CTIF: variants seen among roughly 807,000 people sequenced by gnomAD.
CTIF encodes the protein cap binding complex dependent translation initiation factor, also known as CBP80/20-dependent translation initiation factor.
A neutral mutation model predicts 66.0 loss-of-function variants in CTIF; 21 were observed. The observed-to-expected ratio is 0.32, with a 90% CI of 0.23 to 0.46. CTIF has a LOEUF of 0.46. Among genes scored for constraint, CTIF ranks in the 20% least tolerant of loss-of-function variants. The pLI is 1.00. For missense variants in CTIF, 739 were observed against 812.7 expected, an observed-to-expected ratio of 0.91 and a Z score of 1.10; for synonymous variants, 345 against 326.4, an observed-to-expected ratio of 1.06 and a Z score of -0.62.
At chr18:48,779,496 G>A (rs1475642795) in intron 9 of CTIF, among the ~76,000 whole-genome samples, 1 of 152,226 alleles carries the variant, frequency 6.6e-6, no homozygotes, top group East Asian at 1.9e-4. Context: ...GAGGGGGTCA[G>A]TTATAAGGCT....
intron 7 of CTIF, among the ~76,000 whole-genome samples, chr18:48,715,943 C>T (rs546928383): frequency 6.6e-6 from 1 of 152,276 alleles, no homozygotes; most frequent in South Asian, 2.1e-4. Flanking sequence ...GGCCTTGATA[C>T]CTCCATGTCT....
At position 48,830,891 on chromosome 18, in the gene CTIF, G is replaced by A. The variant is rs112353206; in HGVS notation, c.1527+13515G>A. On this transcript the variant is annotated intron_variant, in intron 10 of 11. Coordinates refer to ENST00000256413, the MANE Select transcript of CTIF (RefSeq NM_014772.3). ...TGGAAACTCTCTCAAGGCAGGGAAC[G>A]TGTCTATTCACAGCTGTATCCCTGT... Among the ~76,000 whole-genome samples, 30 of 152,308 alleles carry A rather than the reference G, an allele frequency of 2.0e-4. 3 individuals are homozygous for A. Among genetic ancestry groups the A allele is most frequent in the Admixed American group, 9.8e-4 (15 of 15,298 alleles).
chr18:48,556,101 C>A (rs1455343894), intron 1 of CTIF, among the ~76,000 whole-genome samples: 1 of 152,138 alleles, frequency 6.6e-6, no homozygotes, highest in Non-Finnish European at 1.5e-5. Context: ...TCCTGGGCTG[C>A]CCGTTGGTCT....
At chr18:48,841,336 T>C (rs1194999077) in intron 10 of CTIF, among the ~76,000 whole-genome samples, 1 of 152,168 alleles carries the variant, frequency 6.6e-6, no homozygotes, top group Non-Finnish European at 1.5e-5. Flanking sequence ...ATGGGTGGCC[T>C]CTGCAGCCGG....
chr18:48,679,528 C>T (rs778154836), intron 6 of CTIF, among the ~76,000 whole-genome samples: 4 of 152,130 alleles, frequency 2.6e-5, no homozygotes, highest in Non-Finnish European at 5.9e-5. Flanking sequence ...CCCAGCTCCT[C>T]CTGAGACTGA....
At chr18:48,653,563 T>C (rs954584208) in intron 3 of CTIF, among the ~76,000 whole-genome samples, 3 of 152,258 alleles carry the variant, frequency 2.0e-5, no homozygotes, top group Admixed American at 1.3e-4. Flanking sequence ...AGGTAATTTA[T>C]AGATTCAATG....
intron 1 of CTIF, among the ~76,000 whole-genome samples, chr18:48,599,169 G>C (rs924449102): frequency 8.5e-5 from 13 of 152,180 alleles, no homozygotes; most frequent in Admixed American, 8.5e-4. Context: ...AGTCTGAGCA[G>C]ATGGTTCTAT....
chr18:48,723,782 G>A (rs1175093030), intron 7 of CTIF, among the ~76,000 whole-genome samples: 2 of 152,228 alleles, frequency 1.3e-5, no homozygotes, highest in African/African-American at 2.4e-5. Context: ...TGAACTCCAA[G>A]AGTTATTTCT....
intron 1 of CTIF, among the ~76,000 whole-genome samples, chr18:48,607,918 T>A (rs1326952203): frequency 6.6e-6 from 1 of 152,174 alleles, no homozygotes; most frequent in Admixed American, 6.5e-5. Context: ...TGACCTTGCA[T>A]ATTTCTGTTT....
chr18:48,677,837 C>T (rs2095125971), intron 6 of CTIF, among the ~76,000 whole-genome samples: 1 of 152,210 alleles, frequency 6.6e-6, no homozygotes, highest in Non-Finnish European at 1.5e-5. Flanking sequence ...GACTCCCACC[C>T]AGCATCTTAG....
chr18:48,736,928 G>T (rs2092508660), intron 7 of CTIF, among the ~76,000 whole-genome samples: 1 of 152,120 alleles, frequency 6.6e-6, no homozygotes, highest in Admixed American at 6.5e-5. Flanking sequence ...TCACACAGCC[G>T]TGAACTCCCT....
chr18:48,633,118 C>A (rs759338323), intron 2 of CTIF, among the ~76,000 whole-genome samples: 8 of 152,146 alleles, frequency 5.3e-5, no homozygotes, highest in Non-Finnish European at 7.3e-5. Context: ...GAATATCACA[C>A]CAGCACTACG....
chr18:48,739,029 T>C (rs1014753856), intron 7 of CTIF, among the ~76,000 whole-genome samples: 3 of 152,118 alleles, frequency 2.0e-5, no homozygotes, highest in Non-Finnish European at 1.5e-5. Context: ...GAGTCCAGAT[T>C]TGAAGCAGAA....
intron 10 of CTIF, among the ~76,000 whole-genome samples, chr18:48,855,549 A>G (rs2069308800): frequency 6.6e-6 from 1 of 152,240 alleles, no homozygotes; most frequent in African/African-American, 2.4e-5. Context: ...CGAGTTTGCC[A>G]GCAACAGAAC....
intron 10 of CTIF, among the ~76,000 whole-genome samples, chr18:48,857,141 G>A (rs2069347372): frequency 6.6e-6 from 1 of 152,188 alleles, no homozygotes; most frequent in Admixed American, 6.5e-5. Flanking sequence ...CTGTGGCCAG[G>A]GCCCAGGGGT....
At chr18:48,795,848 C>T (rs924466390) in intron 9 of CTIF, among the ~76,000 whole-genome samples, 3 of 152,168 alleles carry the variant, frequency 2.0e-5, no homozygotes, top group African/African-American at 7.2e-5. Context: ...TTTCCCCCAA[C>T]ACAAGTCTTT....
intron 6 of CTIF, among the ~76,000 whole-genome samples, chr18:48,704,197 A>G (rs1245740740): frequency 6.6e-6 from 1 of 152,088 alleles, no homozygotes; most frequent in Non-Finnish European, 1.5e-5. Flanking sequence ...AGGCCATGTC[A>G]CATCACCATT....
intron 9 of CTIF, among the ~76,000 whole-genome samples, chr18:48,778,172 G>A (rs76071755): frequency 0.012 from 1,793 of 152,280 alleles, 20 homozygotes; most frequent in Non-Finnish European, 0.019. Context: ...AAAAATGTCT[G>A]TGCACAGCAT....
At chr18:48,842,479 C>T (rs1293840358) in intron 10 of CTIF, among the ~76,000 whole-genome samples, 1 of 152,196 alleles carries the variant, frequency 6.6e-6, no homozygotes. Context: ...AGCGCCCATT[C>T]CTGTTAGCGC....
Sources: gnomAD v4.1 joint callset for allele counts (sites outside exome capture counted in the v4.1 genomes callset) on GRCh38, gnomAD v4.1.1 for gene constraint, MANE v1.5 for transcripts, NCBI Gene and HGNC (gene_info 2026-07-23, HGNC 2026-07-21) for gene names.